TTLL9: variants seen among roughly 807,000 people sequenced by gnomAD.
TTLL9 encodes the protein probable tubulin polyglutamylase TTLL9.
In TTLL9, 47 loss-of-function variants were observed where a neutral mutation model predicts 65.6. The observed-to-expected ratio is 0.72, with a 90% confidence interval of 0.57 to 0.91. TTLL9 has a LOEUF of 0.91. Ranked by LOEUF, TTLL9 falls within the 40% of genes least tolerant of loss-of-function variation. The probability of loss-of-function intolerance (pLI) is 0.00; values close to 1 mark genes in which losing one functional copy is unlikely to be tolerated. For synonymous variants in TTLL9, 179 were observed against 204.8 expected (o/e 0.87, Z 1.07); for missense variants, 537 against 568.8 (o/e 0.94, Z 0.57).
chr20:31,934,678 TG>T lies in TTLL9; in HGVS notation c.808-13del. 1 of 1,602,382 alleles carries T rather than the reference TG, an allele frequency of 6.2e-7. No individual in the cohort carries two copies. Among genetic ancestry groups the T allele is most frequent in the Non-Finnish European group, 8.5e-7 (1 of 1,174,874 alleles). On this transcript the variant is annotated splice_polypyrimidine_tract_variant and intron_variant, in intron 11 of 14. Coordinates refer to ENST00000535842, the MANE Select transcript of TTLL9 (RefSeq NM_001008409.5). ...ACTGAGGCTCCTCTCTCGACCCGGC[TG>T]CCCGGGGCCCAGGGCTGCAAGTGGA...
intron 10 of TTLL9, among the ~76,000 whole-genome samples, chr20:31,927,653 GT>G (rs2063931425): frequency 6.6e-6 from 1 of 152,196 alleles, no homozygotes; most frequent in Admixed American, 6.5e-5. Flanking sequence ...ATCAAAAGAA[GT>G]TTTAAAGATC....
At chr20:31,940,241 G>A in intron 14 of TTLL9, 1 of 152,142 alleles carries the variant, frequency 6.6e-6, no homozygotes, top group Non-Finnish European at 1.5e-5. Context: ...CAACTGGTGA[G>A]GTAAAACATA....
chr20:31,912,603 A>ATGTG (rs61107814), intron 6 of TTLL9, among the ~76,000 whole-genome samples: 4,029 of 141,054 alleles, frequency 0.029, 58 homozygotes, highest in Non-Finnish European at 0.04. Flanking sequence ...GTGTATGTGT[A>ATGTG]TGTGTGTGTG....
At chr20:31,895,494 G>C (rs895023478) in intron 3 of TTLL9, among the ~76,000 whole-genome samples, 4 of 152,138 alleles carry the variant, frequency 2.6e-5, no homozygotes, top group Non-Finnish European at 4.4e-5. Context: ...TCATGCATGA[G>C]ACTCCTCCCT....
chr20:31,889,068 A>C (rs572462453), intron 3 of TTLL9, among the ~76,000 whole-genome samples: 1 of 151,950 alleles, frequency 6.6e-6, no homozygotes, highest in South Asian at 2.1e-4. Flanking sequence ...ACACACACAT[A>C]TATTTACCAT....
intron 12 of TTLL9, among the ~76,000 whole-genome samples, chr20:31,937,174 T>TAA (rs549794756): frequency 5.6e-4 from 85 of 151,044 alleles, no homozygotes; most frequent in South Asian, 1.5e-3. Flanking sequence ...TTCGGGAGGC[T>TAA]AAGGCAGGAG....
At chr20:31,914,207 AAG>A (rs1481836629) in intron 6 of TTLL9, among the ~76,000 whole-genome samples, 2 of 152,236 alleles carry the variant, frequency 1.3e-5, no homozygotes, top group African/African-American at 4.8e-5. Flanking sequence ...GAGACTTTCT[AAG>A]AGTCGGGATG....
intron 4 of TTLL9, among the ~76,000 whole-genome samples, chr20:31,907,845 G>A (rs2063581953): frequency 6.6e-6 from 1 of 152,184 alleles, no homozygotes; most frequent in Non-Finnish European, 1.5e-5. Flanking sequence ...GGCTTCAGTT[G>A]TATCTGTACT....
chr20:31,905,522 C>T lies in TTLL9; in HGVS notation c.207-3069C>T, dbSNP rs956715575. ...GTAACTTAGGACAAAATTTGGAAAC[C>T]GTAGATTTCTGGTTCCAGTGTCATT... is the stretch of plus-strand genomic sequence containing the variant. On this transcript the variant is annotated intron_variant, in intron 4 of 14. Transcript: ENST00000535842. Among the ~76,000 whole-genome samples, 62 of 152,072 alleles carry T rather than the reference C, an allele frequency of 4.1e-4. 1 individual carries two copies. The highest frequency in any genetic ancestry group is 1.2e-3 in the African/African-American group (48 of 41,424).
At chr20:31,871,482 CT>C (rs1413360801) in intron 2 of TTLL9, among the ~76,000 whole-genome samples, 1 of 152,210 alleles carries the variant, frequency 6.6e-6, no homozygotes, top group Non-Finnish European at 1.5e-5. Context: ...ATAGAAGCAG[CT>C]GCACCAGCTT....
At chr20:31,921,400 T>G (rs2063814059) in intron 7 of TTLL9, among the ~76,000 whole-genome samples, 1 of 152,244 alleles carries the variant, frequency 6.6e-6, no homozygotes, top group Admixed American at 6.5e-5. Context: ...TCAACCAGTG[T>G]GGAAGACAGT....
At chr20:31,908,772 T>A in intron 5 of TTLL9, 70 bp downstream of exon 5, 1 of 1,221,784 alleles carries the variant, frequency 8.2e-7, no homozygotes, top group Non-Finnish European at 1.2e-6. Flanking sequence ...GAGCTGGAGC[T>A]GGTACAAGGA....
Position 31,924,233 on chromosome 20 carries a change from C to G in TTLL9, c.665-776C>G, listed in dbSNP as rs116544110. On this transcript the variant is annotated intron_variant, in intron 8 of 14. Transcript: ENST00000535842. ...CTGGTGCCTGCCGCTGCTCTGCCCA[C>G]TTCACTCCACCCCAACGTGGCAGCC... Among the ~76,000 whole-genome samples, 738 of 152,272 alleles carry G rather than the reference C, an allele frequency of 4.8e-3. 8 individuals carry two copies. The highest frequency in any genetic ancestry group is 0.017 in the African/African-American group (702 of 41,546).
intron 6 of TTLL9, among the ~76,000 whole-genome samples, chr20:31,915,603 A>G (rs1008625196): frequency 2.4e-4 from 36 of 152,218 alleles, no homozygotes; most frequent in Admixed American, 9.8e-4. Context: ...CAAGAGGTAT[A>G]TGAGCCCCAG....
chr20:31,888,466 CT>C (rs894475619), intron 3 of TTLL9, among the ~76,000 whole-genome samples: 1 of 152,032 alleles, frequency 6.6e-6, no homozygotes, highest in Non-Finnish European at 1.5e-5. Flanking sequence ...ATACCTGAGA[CT>C]TTTTATTTAT....
intron 12 of TTLL9, 71 bp from the exon 13 acceptor site, chr20:31,937,325 C>A: frequency 9.7e-7 from 1 of 1,029,218 alleles, no homozygotes; most frequent in Non-Finnish European, 1.5e-6. Context: ...ATCCATCTAG[C>A]CTCTCAGTGA....
At chr20:31,899,253 G>A (rs2063435110) in intron 4 of TTLL9, among the ~76,000 whole-genome samples, 1 of 152,218 alleles carries the variant, frequency 6.6e-6, no homozygotes, top group South Asian at 2.1e-4. Context: ...TATCCCTTAG[G>A]TGAGGTCCTT....
In TTLL9 at chr20:31,944,025, G is replaced by C; in HGVS notation, c.*1004G>C. On this transcript the variant is annotated 3_prime_UTR_variant, in exon 15 of 15. Transcript: ENST00000535842. ...GCAAATGGTTGAATCTGCCTGCCTA[G>C]GTCAAGCCCGAAGGGAAGACTTTTG... is the stretch of plus-strand genomic sequence containing the variant. 1 of 344,670 alleles carries C rather than the reference G, an allele frequency of 2.9e-6. No individual in the cohort carries two copies. Among genetic ancestry groups the C allele is most frequent in the Non-Finnish European group, 5.8e-6 (1 of 173,326 alleles). The allele number at this position is 344,670 out of a possible 1,614,324, so 21.4% of individuals were successfully genotyped here.
intron 6 of TTLL9, among the ~76,000 whole-genome samples, chr20:31,918,129 A>G (rs1021320831): frequency 1.3e-5 from 2 of 152,038 alleles, no homozygotes; most frequent in African/African-American, 2.4e-5. Context: ...CAGTTACCCA[A>G]GAGACTTTCC....
Sources: allele counts gnomAD v4.1 joint callset (sites outside exome capture counted in the v4.1 genomes callset), GRCh38; gene constraint gnomAD v4.1.1; transcripts MANE v1.5; gene names NCBI Gene and HGNC (gene_info 2026-07-23, HGNC 2026-07-21).